The following TMEM131L variants were observed in gnomAD, a reference collection of about 807,000 sequenced individuals.
TMEM131L encodes the protein transmembrane 131 like.
TMEM131L carries 54 observed loss-of-function variants against 192.2 expected under a neutral mutation model. The ratio of observed to expected loss-of-function variants is 0.28; its 90% CI spans 0.23 to 0.35. The LOEUF (loss-of-function observed/expected upper bound fraction) is 0.35, where lower values mean the gene tolerates loss of function less well. Ranked by LOEUF, TMEM131L falls within the 10% of genes least tolerant of loss-of-function variation. The pLI is 1.00. For missense variants in TMEM131L, 1,888 were observed against 1,972.9 expected (o/e 0.96, Z 0.82); for synonymous variants, 701 against 704.9 (o/e 0.99, Z 0.09).
chr4:153,466,552 C>T (rs1730758253), intron 1 of TMEM131L, 31 bp downstream of exon 1: 2 of 1,292,126 alleles, frequency 1.5e-6, no homozygotes, highest in East Asian at 3.1e-5. Flanking sequence ...CTCGCTCTGC[C>T]TCTCCACCCC....
At chr4:153,545,873 C>A (rs1032713444) in intron 3 of TMEM131L, among the ~76,000 whole-genome samples, 1 of 152,022 alleles carries the variant, frequency 6.6e-6, no homozygotes. Flanking sequence ...TATTTCTTAT[C>A]CTCGTGCCTT....
intron 3 of TMEM131L, among the ~76,000 whole-genome samples, chr4:153,534,126 G>A (rs1401836534): frequency 1.3e-5 from 2 of 152,144 alleles, no homozygotes; most frequent in Non-Finnish European, 2.9e-5. Context: ...CAATGACACC[G>A]GTTTGGGAAG....
At position 153,594,558 on chromosome 4, in the gene TMEM131L, T is replaced by C. The variant is rs1731295981; in HGVS notation, c.1995+687T>C. Among the ~76,000 whole-genome samples, 3 of 152,220 alleles carry C rather than the reference T, an allele frequency of 2.0e-5. 1 individual carries two copies. Among genetic ancestry groups the C allele is most frequent in the South Asian group, 4.1e-4 (2 of 4,834 alleles). On this transcript the variant is annotated intron_variant, in intron 19 of 34. Coordinates refer to ENST00000409959, the MANE Select transcript of TMEM131L (RefSeq NM_001131007.2). ...GGAGCATCTGTTGACAAAAAATACA[T>C]ACATACACATGTAAACTCACATATG...
chr4:153,584,230 A>G (rs1436568480), intron 11 of TMEM131L, among the ~76,000 whole-genome samples: 1 of 152,212 alleles, frequency 6.6e-6, no homozygotes, highest in African/African-American at 2.4e-5. Context: ...GTACTTATAC[A>G]TGCACAGAAC....
chr4:153,565,398 A>C, intron 7 of TMEM131L, among the ~76,000 whole-genome samples: 1 of 152,306 alleles, frequency 6.6e-6, no homozygotes, highest in East Asian at 1.9e-4. Flanking sequence ...CAGATTTACT[A>C]CCGGGGCAGG....
Position 153,585,567 on chromosome 4 carries a change from T to C in TMEM131L, c.1267T>C (p.Leu423=). 1.2e-6 allele frequency: 2 copies of C among 1,614,036 alleles called. No individual in the cohort carries two copies. Among genetic ancestry groups the C allele is most frequent in the Non-Finnish European group, 1.7e-6 (2 of 1,179,944 alleles). The change falls in exon 13 of 35, where the codon TTA becomes CTA. Residue 423 remains leucine (L), a synonymous_variant. Transcript: ENST00000409959. ...CAACCATTTTGACCGTAGTGTTGTA[T>C]TAAATGATGTGTTTCTTTCCAAGGA... ...YRNHFDRSVV[L]NDVFLSKETK...
intron 21 of TMEM131L, among the ~76,000 whole-genome samples, chr4:153,599,478 A>T (rs1429621495): frequency 2.0e-5 from 3 of 152,336 alleles, no homozygotes; most frequent in Non-Finnish European, 4.4e-5. Flanking sequence ...TAGGAGTTTT[A>T]GGCCAACCTG....
At position 153,596,383 on chromosome 4, in the gene TMEM131L, C is replaced by T; in HGVS notation, c.2121C>T (p.Ile707=). 1 of 1,613,444 alleles carries T rather than the reference C, an allele frequency of 6.2e-7. No individual in the cohort carries two copies. Among genetic ancestry groups the T allele is most frequent in the Non-Finnish European group, 8.5e-7 (1 of 1,179,496 alleles). Reference sequence around the variant, plus strand: ...GAAAAGTTACCTCACTCATACTAATCCGGTAGGTGTGTTCCTGTTGTAGAA... The same window carrying T: ...GAAAAGTTACCTCACTCATACTAATTCGGTAGGTGTGTTCCTGTTGTAGAA... The part of the protein sequence containing the change: ...DYGKVTSLIL[I]RNNLTVIDMI... Residue 707 remains isoleucine (I), a splice_region_variant and synonymous_variant, in exon 20 of 35, where the codon ATC becomes ATT. Transcript: ENST00000409959.
intron 3 of TMEM131L, among the ~76,000 whole-genome samples, chr4:153,527,727 C>T (rs988389115): frequency 6.6e-6 from 1 of 152,098 alleles, no homozygotes; most frequent in African/African-American, 2.4e-5. Context: ...GGGGGTCTTT[C>T]GTGTTTGAGG....
At chr4:153,534,712 C>T (rs973296013) in intron 3 of TMEM131L, among the ~76,000 whole-genome samples, 3 of 152,294 alleles carry the variant, frequency 2.0e-5, no homozygotes, top group South Asian at 4.1e-4. Context: ...GGATTACAGG[C>T]GTGAGCCACG....
At chr4:153,605,306 T>C (rs1241944611) in intron 25 of TMEM131L, among the ~76,000 whole-genome samples, 1 of 152,228 alleles carries the variant, frequency 6.6e-6, no homozygotes, top group African/African-American at 2.4e-5. Context: ...TGCTTATTTA[T>C]TTTCTTTTTT....
intron 14 of TMEM131L, among the ~76,000 whole-genome samples, chr4:153,586,782 A>C (rs1730729590): frequency 6.6e-6 from 1 of 152,200 alleles, no homozygotes; most frequent in Admixed American, 6.5e-5. Context: ...AGTGACTCTT[A>C]GTTGCTCGTA....
At chr4:153,493,639 G>A (rs1386048143) in intron 3 of TMEM131L, among the ~76,000 whole-genome samples, 1 of 152,088 alleles carries the variant, frequency 6.6e-6, no homozygotes, top group Non-Finnish European at 1.5e-5. Flanking sequence ...CAGTCTGGGC[G>A]ATAGCACTAG....
intron 3 of TMEM131L, among the ~76,000 whole-genome samples, chr4:153,484,222 A>G (rs999776345): frequency 6.6e-6 from 1 of 152,120 alleles, no homozygotes; most frequent in Non-Finnish European, 1.5e-5. Context: ...TTTCCCCCCA[A>G]TCAATTAAAC....
Position 153,627,694 on chromosome 4 carries a change from T to A in TMEM131L, c.4207+7T>A, listed in dbSNP as rs376951030. ...GGTGTTGAAGAAGATAAAGGTGAGA[T>A]GCATTCGTCTTGCTGCAGACATCAG... On this transcript the variant is annotated splice_region_variant and intron_variant, in intron 31 of 34. Transcript: ENST00000409959. 4.4e-6 allele frequency: 7 copies of A among 1,606,832 alleles called. No homozygotes were observed. The highest frequency in any genetic ancestry group is 5.1e-6 in the Non-Finnish European group (6 of 1,173,550).
At chr4:153,516,011 G>A (rs985869030) in intron 3 of TMEM131L, among the ~76,000 whole-genome samples, 5 of 151,398 alleles carry the variant, frequency 3.3e-5, no homozygotes, top group Admixed American at 6.6e-5. Flanking sequence ...GATTATAGAC[G>A]TGAGCCACTG....
chr4:153,632,998 G>A (rs1249494789), intron 32 of TMEM131L, among the ~76,000 whole-genome samples, 160 bp downstream of exon 32: 2 of 151,490 alleles, frequency 1.3e-5, no homozygotes, highest in Non-Finnish European at 2.9e-5. Context: ...GAGTTGCACT[G>A]GGACTAAACC....
At position 153,466,502 on chromosome 4, in the gene TMEM131L, G is replaced by A. The variant is rs1730753959; in HGVS notation, c.105G>A (p.Pro35=). ...VFQVLLPCCR[P]GGAQGQAIEP... ...AGGTCCTGCTGCCCTGCTGTCGCCC[G>A]GGAGGGGCTCAGGGACAAGGTCAGC... The change falls in exon 1 of 35, where the codon CCG becomes CCA. Residue 35 remains proline, a synonymous_variant. Transcript: ENST00000409959. The A allele has an allele frequency of 7.1e-7, 1 of 1,405,256 alleles. No individual in the cohort carries two copies. Among genetic ancestry groups the A allele is most frequent in the Admixed American group, 2.4e-5 (1 of 42,186 alleles). 87.0% of individuals were successfully genotyped at this position (1,405,256 alleles called of 1,614,324 possible).
chr4:153,593,679 T>A, intron 18 of TMEM131L, 120 bp from the exon 19 acceptor site: 1 of 674,116 alleles, frequency 1.5e-6, no homozygotes, highest in Non-Finnish European at 2.7e-6. Context: ...GAATTTTGTG[T>A]GTATGTGTGT....
Sources: allele counts gnomAD v4.1 joint callset (sites outside exome capture counted in the v4.1 genomes callset), GRCh38; gene constraint gnomAD v4.1.1; transcripts MANE v1.5; gene names NCBI Gene and HGNC (gene_info 2026-07-23, HGNC 2026-07-21).